DDHD1: variants seen among roughly 807,000 people sequenced by gnomAD.
DDHD1 encodes phospholipase DDHD1.
Under a neutral mutation model 96.4 loss-of-function variants are expected in DDHD1, and 49 were observed. The ratio of observed to expected loss-of-function variants is 0.51; its 90% confidence interval spans 0.40 to 0.64. The LOEUF (loss-of-function observed/expected upper bound fraction) is 0.64. Ranked by LOEUF, DDHD1 falls within the 30% of genes least tolerant of loss-of-function variation. The pLI, the probability that DDHD1 is intolerant of heterozygous loss-of-function variation, is 0.00. For missense variants in DDHD1, 1,106 were observed against 1,161.2 expected (o/e 0.95, Z 0.69); for synonymous variants, 442 against 446.5 (o/e 0.99, Z 0.13).
At chr14:53,087,474 G>A (rs1164588657) in intron 4 of DDHD1, among the ~76,000 whole-genome samples, 4 of 152,192 alleles carry the variant, frequency 2.6e-5, no homozygotes, top group African/African-American at 7.2e-5. Context: ...TCAGACCACA[G>A]TGTAATCAAA....
chr14:53,068,404 A>G (rs969269348), intron 6 of DDHD1, among the ~76,000 whole-genome samples: 15 of 151,900 alleles, frequency 9.9e-5, no homozygotes, highest in African/African-American at 2.7e-4. Context: ...ACCACCATAC[A>G]TGGCTAATTT....
Position 53,130,841 on chromosome 14 carries a change from G to T in DDHD1, c.838+21420C>A, listed in dbSNP as rs147341220. On this transcript the variant is annotated intron_variant, in intron 1 of 12. Coordinates refer to ENST00000673822, the MANE Select transcript of DDHD1 (RefSeq NM_001160148.2). ...CCCAAGGCTCTCTGACTCCTTTCCA[G>T]ATCTTCTTAGCTTAGTGGCTGAAAT... Among the ~76,000 whole-genome samples, 317 of 152,300 alleles carry T rather than the reference G, an allele frequency of 2.1e-3. 1 individual carries two copies. The highest frequency in any genetic ancestry group is 7.2e-3 in the African/African-American group (300 of 41,562).
intron 1 of DDHD1, among the ~76,000 whole-genome samples, chr14:53,121,735 T>C (rs1889006639): frequency 6.6e-6 from 1 of 152,016 alleles, no homozygotes; most frequent in African/African-American, 2.4e-5. Flanking sequence ...TGAGAACACA[T>C]GGATACAGGG....
chr14:53,144,342 T>C (rs190381813), intron 1 of DDHD1, among the ~76,000 whole-genome samples: 1 of 152,358 alleles, frequency 6.6e-6, no homozygotes, highest in African/African-American at 2.4e-5. Context: ...TTCCTAAACC[T>C]TACAGACAGG....
At chr14:53,074,140 C>T (rs1461983027) in intron 4 of DDHD1, among the ~76,000 whole-genome samples, 2 of 151,922 alleles carry the variant, frequency 1.3e-5, no homozygotes, top group Non-Finnish European at 2.9e-5. Flanking sequence ...ATAATGAATA[C>T]CTCTGTGCCA....
intron 4 of DDHD1, among the ~76,000 whole-genome samples, chr14:53,091,065 CTG>C (rs987670342): frequency 1.3e-5 from 2 of 152,098 alleles, no homozygotes; most frequent in Non-Finnish European, 2.9e-5. Context: ...ATCAAATAAA[CTG>C]GGCTTGTCAA....
chr14:53,066,900 G>A (rs1884067440), intron 6 of DDHD1, among the ~76,000 whole-genome samples: 1 of 151,060 alleles, frequency 6.6e-6, no homozygotes, highest in African/African-American at 2.4e-5. Flanking sequence ...CCAGAAGACA[G>A]AGGCTGCAGT....
chr14:53,148,314 T>C (rs1891130902), intron 1 of DDHD1, among the ~76,000 whole-genome samples: 2 of 151,196 alleles, frequency 1.3e-5, no homozygotes, highest in African/African-American at 2.5e-5. Flanking sequence ...AATTGAATTA[T>C]TCTTTTTTTT....
At chr14:53,051,475 C>A (rs960632258) in intron 12 of DDHD1, among the ~76,000 whole-genome samples, 1 of 151,900 alleles carries the variant, frequency 6.6e-6, no homozygotes, top group Non-Finnish European at 1.5e-5. Flanking sequence ...TGATGACATT[C>A]TTTGTACTAT....
chr14:53,128,119 T>C (rs1481869464), intron 1 of DDHD1, among the ~76,000 whole-genome samples: 1 of 152,202 alleles, frequency 6.6e-6, no homozygotes, highest in Non-Finnish European at 1.5e-5. Flanking sequence ...AGGACGAGTT[T>C]GCTTCCCTTT....
chr14:53,132,728 G>A (rs1889966314), intron 1 of DDHD1, among the ~76,000 whole-genome samples: 1 of 152,112 alleles, frequency 6.6e-6, no homozygotes, highest in East Asian at 1.9e-4. Context: ...CTCTTCTCAA[G>A]GCCGCTTTAC....
chr14:53,134,574 G>A (rs542408788), intron 1 of DDHD1, among the ~76,000 whole-genome samples: 3 of 146,786 alleles, frequency 2.0e-5, no homozygotes, highest in Admixed American at 6.8e-5. Context: ...CAGAACCACC[G>A]AGGCCTCGAC....
At chr14:53,073,115 T>C (rs1884660360) in intron 5 of DDHD1, among the ~76,000 whole-genome samples, 1 of 152,170 alleles carries the variant, frequency 6.6e-6, no homozygotes, top group African/African-American at 2.4e-5. Context: ...ATTATGTAAA[T>C]AATCTAAACA....
chr14:53,135,723 TA>T (rs1890185450), intron 1 of DDHD1, among the ~76,000 whole-genome samples: 1 of 152,236 alleles, frequency 6.6e-6, no homozygotes, highest in Non-Finnish European at 1.5e-5. Context: ...GTAAATCAGT[TA>T]AACTGGAAGA....
At chr14:53,060,148 A>C (rs751421471) in intron 8 of DDHD1, among the ~76,000 whole-genome samples, 1 of 152,242 alleles carries the variant, frequency 6.6e-6, no homozygotes, top group African/African-American at 2.4e-5. Flanking sequence ...CATTTCAAGA[A>C]GAGGTAATAC....
Position 53,062,951 on chromosome 14 carries a change from A to T in DDHD1, c.1758T>A (p.Thr586=), listed in dbSNP as rs4898778. 1,344,181 of 1,607,846 alleles carry T rather than the reference A, an allele frequency of 0.84. 564,073 individuals are homozygous for T. The highest frequency in any genetic ancestry group is 0.99 in the East Asian group (44,141 of 44,794). Residue 586 remains threonine (T), a synonymous_variant, in exon 7 of 13, where the codon ACT becomes ACA. Coordinates refer to ENST00000673822, the MANE Select transcript of DDHD1 (RefSeq NM_001160148.2). ...ERHLLDELYI[T]KRRLKEIEER... ...AGATGAGGATATTTTACCGTCGTTTAGTTATATAGAGTTCATCAAGAAGAT... is the reference window on the plus strand; with the variant it reads ...AGATGAGGATATTTTACCGTCGTTTTGTTATATAGAGTTCATCAAGAAGAT...
Position 53,037,182 on chromosome 14 carries a change from G to C in DDHD1, c.*9586C>G, listed in dbSNP as rs137937881. The C allele has an allele frequency of 4.6e-5, 7 of 152,226 alleles. No homozygotes were observed. The highest frequency in any genetic ancestry group is 7.2e-5 in the African/African-American group (3 of 41,526). The allele number at this position is 152,226 out of a possible 1,614,324, so 9.4% of individuals were successfully genotyped here. On this transcript the variant is annotated 3_prime_UTR_variant, in exon 13 of 13. Coordinates refer to ENST00000673822, the MANE Select transcript of DDHD1 (RefSeq NM_001160148.2). ...TTCTTTATCCAGTCCACTGTTGATG[G>C]GCAGCCACGTTGATCTGTCTTTGCT...
At chr14:53,112,042 A>T (rs549012032) in intron 1 of DDHD1, among the ~76,000 whole-genome samples, 3 of 152,216 alleles carry the variant, frequency 2.0e-5, no homozygotes, top group Non-Finnish European at 2.9e-5. Flanking sequence ...TTTTGACCAC[A>T]GAGTAGACGT....
Position 53,045,826 on chromosome 14 carries a change from ATGT to A in DDHD1, c.*939_*941del, listed in dbSNP as rs1375095260. ...TTAGTGGCATCACATCCCTTCATAT[ATGT>A]TGTTTGGCACACAAATGTTTATACA... is the stretch of plus-strand genomic sequence containing the variant. On this transcript the variant is annotated 3_prime_UTR_variant, in exon 13 of 13. Coordinates refer to ENST00000673822, the MANE Select transcript of DDHD1 (RefSeq NM_001160148.2). 6.6e-6 allele frequency: 1 copy of A among 152,104 alleles called. No individual in the cohort carries two copies. Among genetic ancestry groups the A allele is most frequent in the African/African-American group, 2.4e-5 (1 of 41,422 alleles). The allele number at this position is 152,104 out of a possible 1,614,324, so 9.4% of individuals were successfully genotyped here.
Sources: gnomAD v4.1 joint callset for allele counts (sites outside exome capture counted in the v4.1 genomes callset) on GRCh38, gnomAD v4.1.1 for gene constraint, MANE v1.5 for transcripts, NCBI Gene and HGNC (gene_info 2026-07-23, HGNC 2026-07-21) for gene names.